The following ANTXR2 variants were observed in gnomAD, a reference collection of about 807,000 sequenced individuals.
ANTXR2 encodes the protein ANTXR cell adhesion molecule 2.
In ANTXR2, 44 loss-of-function variants were observed where a neutral mutation model predicts 73.7. That is an observed-to-expected ratio of 0.60 (90% confidence interval 0.47 to 0.77). The LOEUF (loss-of-function observed/expected upper bound fraction) is 0.77, where lower values mean the gene tolerates loss of function less well. Among genes scored for constraint, ANTXR2 ranks in the 30% least tolerant of loss-of-function variants. The pLI is 0.00. For missense variants in ANTXR2, 604 were observed against 592.5 expected (o/e 1.02, Z -0.20); for synonymous variants, 217 against 205.9 (o/e 1.05, Z -0.46).
At chr4:79,979,852 G>GAA (rs75117048) in intron 14 of ANTXR2, among the ~76,000 whole-genome samples, 18 of 151,426 alleles carry the variant, frequency 1.2e-4, no homozygotes, top group Non-Finnish European at 1.3e-4. Context: ...CAATTTTAAG[G>GAA]AAAAAAAAGA....
intron 12 of ANTXR2, among the ~76,000 whole-genome samples, chr4:79,998,471 T>C (rs1445200432): frequency 1.3e-5 from 2 of 152,016 alleles, no homozygotes; most frequent in Non-Finnish European, 2.9e-5. Context: ...GTAATTCATC[T>C]GGACTGTCTG....
intron 12 of ANTXR2, among the ~76,000 whole-genome samples, chr4:79,985,858 T>TTTTTTTA (rs1730125871): frequency 1.0e-5 from 1 of 99,180 alleles, no homozygotes; most frequent in African/African-American, 3.0e-5. Context: ...TTTTTTTTTT[T>TTTTTTTA]GAGACGGAGT....
At chr4:80,000,746 T>C (rs538081776) in intron 12 of ANTXR2, among the ~76,000 whole-genome samples, 6 of 152,096 alleles carry the variant, frequency 3.9e-5, no homozygotes, top group Non-Finnish European at 7.4e-5. Context: ...TTTCCTGATA[T>C]AAAACTGGTA....
chr4:79,957,324 T>C (rs1474737345), intron 16 of ANTXR2, among the ~76,000 whole-genome samples: 1 of 152,052 alleles, frequency 6.6e-6, no homozygotes, highest in African/African-American at 2.4e-5. Flanking sequence ...AATTAATAGG[T>C]ACAAAAATAA....
intron 16 of ANTXR2, among the ~76,000 whole-genome samples, chr4:79,958,020 C>A (rs1728989965): frequency 6.6e-6 from 1 of 151,952 alleles, no homozygotes; most frequent in Non-Finnish European, 1.5e-5. Context: ...CTATTGCCTG[C>A]AAATTATTAA....
intron 16 of ANTXR2, among the ~76,000 whole-genome samples, chr4:79,972,943 T>C (rs930835481): frequency 9.2e-6 from 1 of 108,348 alleles, no homozygotes; most frequent in African/African-American, 4.8e-5. Flanking sequence ...AAAAAAAGAA[T>C]AGGGCGTCCG....
chr4:79,944,933 T>A (rs1039623055), intron 16 of ANTXR2, among the ~76,000 whole-genome samples: 1 of 152,152 alleles, frequency 6.6e-6, no homozygotes, highest in African/African-American at 2.4e-5. Flanking sequence ...ACTTCAATTT[T>A]CTACTCTAAG....
intron 11 of ANTXR2, among the ~76,000 whole-genome samples, chr4:80,013,675 A>T (rs1731703475): frequency 6.6e-6 from 1 of 152,214 alleles, no homozygotes; most frequent in Non-Finnish European, 1.5e-5. Context: ...CCAGGTATTC[A>T]TCATAGTATT....
chr4:79,976,476 A>C (rs545425534), intron 16 of ANTXR2, among the ~76,000 whole-genome samples: 5 of 152,190 alleles, frequency 3.3e-5, no homozygotes, highest in Non-Finnish European at 7.4e-5. Context: ...AACACCCAGA[A>C]GTTACCACCA....
intron 16 of ANTXR2, among the ~76,000 whole-genome samples, chr4:79,917,260 C>A (rs1282265143): frequency 6.6e-6 from 1 of 152,004 alleles, no homozygotes; most frequent in Non-Finnish European, 1.5e-5. Flanking sequence ...GCACATGGAG[C>A]CTTCTCAAAG....
chr4:80,058,685 A>AC (rs1448259065), intron 3 of ANTXR2, among the ~76,000 whole-genome samples: 1 of 151,892 alleles, frequency 6.6e-6, no homozygotes, highest in African/African-American at 2.4e-5. Context: ...ATGTTAAAAA[A>AC]AAAAGCCTCT....
At chr4:79,920,761 A>G (rs548139496) in intron 16 of ANTXR2, among the ~76,000 whole-genome samples, 1 of 152,274 alleles carries the variant, frequency 6.6e-6, no homozygotes, top group Non-Finnish European at 1.5e-5. Context: ...TCTAAAGCAC[A>G]TTACTAATTA....
At position 80,022,820 on chromosome 4, in the gene ANTXR2, C is replaced by T. The variant is rs140658950; in HGVS notation, c.867-3844G>A. On this transcript the variant is annotated intron_variant, in intron 10 of 16. Transcript: ENST00000403729. ...ATAATATTGAAAAAGGGCATTTGGG[C>T]GAAACTGGAGTCCTGAGTTTGAACC... is the stretch of plus-strand genomic sequence containing the variant. 5.8e-3 allele frequency among the ~76,000 whole-genome samples: 880 copies of T among 152,210 alleles called. 12 individuals are homozygous for T. Among genetic ancestry groups the T allele is most frequent in the African/African-American group, 0.02 (818 of 41,532 alleles).
chr4:79,948,401 C>A (rs1170866884), intron 16 of ANTXR2, among the ~76,000 whole-genome samples: 2 of 152,090 alleles, frequency 1.3e-5, no homozygotes, highest in Non-Finnish European at 2.9e-5. Flanking sequence ...AAATACAACA[C>A]GTGTTACTCC....
At chr4:80,069,530 G>A in intron 2 of ANTXR2, 23 bp from the exon 3 acceptor site, 2 of 1,534,698 alleles carry the variant, frequency 1.3e-6, no homozygotes, top group Non-Finnish European at 1.8e-6. Context: ...AAAAGAGGCA[G>A]TTAAAACATT....
chr4:79,987,666 T>G (rs60455977), intron 12 of ANTXR2, among the ~76,000 whole-genome samples: 13,896 of 152,186 alleles, frequency 0.091, 733 homozygotes, highest in Middle Eastern at 0.23. Context: ...TATCTAGTCA[T>G]CAGATTCTCC....
intron 7 of ANTXR2, among the ~76,000 whole-genome samples, chr4:80,045,304 T>C (rs1733468377): frequency 6.6e-6 from 1 of 151,808 alleles, no homozygotes; most frequent in Non-Finnish European, 1.5e-5. Context: ...TAAGGCTTTT[T>C]CCTCCCCAAA....
chr4:79,990,383 CAAAAAA>C (rs70944757), intron 12 of ANTXR2, among the ~76,000 whole-genome samples: 2 of 76,934 alleles, frequency 2.6e-5, no homozygotes, highest in Non-Finnish European at 5.0e-5. Flanking sequence ...ACAACAGTTA[CAAAAAA>C]AAAAAAAAAA....
chr4:80,011,384 C>A (rs1002476509), intron 11 of ANTXR2, among the ~76,000 whole-genome samples: 5 of 151,886 alleles, frequency 3.3e-5, no homozygotes, highest in African/African-American at 1.2e-4. Context: ...ATTTCATTTA[C>A]TGGATTCTTT....
Sources: gnomAD v4.1 joint callset for allele counts (sites outside exome capture counted in the v4.1 genomes callset) on GRCh38, gnomAD v4.1.1 for gene constraint, MANE v1.5 for transcripts, NCBI Gene and HGNC (gene_info 2026-07-23, HGNC 2026-07-21) for gene names.